DCC: variants seen among roughly 807,000 people sequenced by gnomAD.
The protein encoded by DCC is DCC netrin 1 receptor.
DCC carries 58 observed loss-of-function variants against 172.5 expected under a neutral mutation model. The ratio of observed to expected loss-of-function variants is 0.34; its 90% CI spans 0.27 to 0.42. The LOEUF (loss-of-function observed/expected upper bound fraction) is 0.42. DCC is among the 10% of genes least tolerant of loss of function. The pLI, the probability that DCC is intolerant of heterozygous loss-of-function variation, is 1.00. For synonymous variants in DCC, 709 were observed against 644.5 expected (o/e 1.10, Z -1.52); for missense variants, 1,740 against 1,791.0 (o/e 0.97, Z 0.51).
Position 53,365,149 on chromosome 18 carries a change from C to G in DCC, c.2360-20894C>G, listed in dbSNP as rs527366604. Among the ~76,000 whole-genome samples the G allele has an allele frequency of 2.7e-5, 4 of 149,306 alleles. No homozygotes were observed. In the South Asian group the frequency reaches 6.5e-4, roughly 24 times the overall value. On this transcript the variant is annotated intron_variant, in intron 15 of 28. Transcript: ENST00000442544. The stretch of plus-strand genomic sequence containing the variant: ...GTCTAAGTGTTTTCATTGTTCAATT[C>G]CCACCTATGAGTGAGAACGTGAGAT...
chr18:53,000,940 G>GT lies in DCC; in HGVS notation c.986-62358dup, dbSNP rs199612544. On this transcript the variant is annotated intron_variant, in intron 5 of 28. Transcript: ENST00000442544. ...CTTTTCTCTTACCTACATTCTGAGG[G>GT]TTTTTTTCCCATCGACTGCATCTGT... Among the ~76,000 whole-genome samples, 1,480 of 151,916 alleles carry GT rather than the reference G, an allele frequency of 9.7e-3. 30 individuals carry two copies. Among genetic ancestry groups the GT allele is most frequent in the African/African-American group, 0.034 (1,422 of 41,432 alleles).
At chr18:53,415,159 A>G (rs769552329) in intron 20 of DCC, among the ~76,000 whole-genome samples, 1 of 152,184 alleles carries the variant, frequency 6.6e-6, no homozygotes, top group African/African-American at 2.4e-5. Flanking sequence ...TCAAATGATG[A>G]TTGATTTGCT....
chr18:53,156,370 G>A (rs2054734139), intron 7 of DCC, among the ~76,000 whole-genome samples: 1 of 151,944 alleles, frequency 6.6e-6, no homozygotes, highest in African/African-American at 2.4e-5. Context: ...TGTAATCCCA[G>A]CTACTCGGGA....
intron 1 of DCC, among the ~76,000 whole-genome samples, chr18:52,705,467 C>G (rs533504677): frequency 6.6e-6 from 1 of 152,200 alleles, no homozygotes; most frequent in Non-Finnish European, 1.5e-5. Context: ...TTAGATTTCT[C>G]TGTCAGCAGA....
chr18:53,249,796 C>G (rs541617109), intron 12 of DCC, among the ~76,000 whole-genome samples: 13 of 152,072 alleles, frequency 8.5e-5, no homozygotes, highest in African/African-American at 2.9e-4. Context: ...ATAGTCAGCA[C>G]TTATTTCAAC....
At chr18:52,720,814 C>T (rs1205552289) in intron 1 of DCC, among the ~76,000 whole-genome samples, 2 of 152,154 alleles carry the variant, frequency 1.3e-5, no homozygotes, top group Non-Finnish European at 2.9e-5. Context: ...GTACTAGGTG[C>T]ACATGGGACC....
At chr18:52,979,355 G>A (rs572007567) in intron 5 of DCC, among the ~76,000 whole-genome samples, 1 of 152,266 alleles carries the variant, frequency 6.6e-6, no homozygotes, top group South Asian at 2.1e-4. Context: ...TCAGAAAGCT[G>A]TGAAGGAGCA....
intron 15 of DCC, among the ~76,000 whole-genome samples, chr18:53,368,460 T>G (rs997605805): frequency 8.6e-6 from 1 of 116,868 alleles, no homozygotes; most frequent in Admixed American, 7.8e-5. Flanking sequence ...GCAAATTGCC[T>G]ATTTTTCCTT....
chr18:52,667,984 G>T (rs1318284893), intron 1 of DCC, among the ~76,000 whole-genome samples: 4 of 151,840 alleles, frequency 2.6e-5, no homozygotes, highest in Admixed American at 2.6e-4. Flanking sequence ...TCATTGAGGG[G>T]CGTCTTTTTA....
rs1266850495 is a variant in DCC, at chr18:53,410,497, A to G, written c.2981A>G (p.Asp994Gly). The G allele has an allele frequency of 1.9e-6, 3 of 1,610,092 alleles. No individual in the cohort carries two copies. The highest frequency in any genetic ancestry group is 2.2e-5 in the East Asian group (1 of 44,870). The change falls in exon 20 of 29, where the codon GAC becomes GGC. Residue 994 changes from aspartate to glycine, a missense_variant. By Grantham distance (94) the Asp-to-Gly change is moderately conservative (BLOSUM62 -1). Around this residue, in one of 2 missense-constraint regions of DCC, gnomAD observed 1,732 missense variants for 1,767.4 expected, o/e 0.98. Coordinates refer to ENST00000442544, the MANE Select transcript of DCC (RefSeq NM_005215.4). ...TTGGACAAGAACATCCCAATTGATG[A>G]CTGGATTATGGAAACAATCAGTGGT... ...YTLDKNIPID[D>G]WIMETISGDR...
chr18:52,521,651 T>C (rs1598884677), intron 1 of DCC, among the ~76,000 whole-genome samples: 2 of 152,198 alleles, frequency 1.3e-5, no homozygotes, highest in South Asian at 4.1e-4. Flanking sequence ...TCTGTATTTG[T>C]CTTCAGTTTG....
intron 2 of DCC, among the ~76,000 whole-genome samples, chr18:52,864,016 C>T (rs117357586): frequency 0.04 from 6,105 of 152,032 alleles, 174 homozygotes; most frequent in Non-Finnish European, 0.062. Flanking sequence ...TATGAGTGGT[C>T]ATTTATAAGT....
At chr18:52,358,383 A>C (rs1984472150) in intron 1 of DCC, among the ~76,000 whole-genome samples, 2 of 152,144 alleles carry the variant, frequency 1.3e-5, no homozygotes, top group Admixed American at 1.3e-4. Flanking sequence ...CAGGCCTACA[A>C]CTTTCTAATT....
chr18:53,229,424 G>A (rs1479419428), intron 12 of DCC, among the ~76,000 whole-genome samples: 1 of 151,976 alleles, frequency 6.6e-6, no homozygotes, highest in Non-Finnish European at 1.5e-5. Context: ...TATATTAAAG[G>A]CAAATGTATC....
chr18:53,489,303 A>G (rs1371463507), intron 26 of DCC, among the ~76,000 whole-genome samples: 2 of 152,210 alleles, frequency 1.3e-5, no homozygotes, highest in African/African-American at 2.4e-5. Flanking sequence ...AGCTATGCAC[A>G]ATGCAAAGCA....
At chr18:53,088,418 G>A (rs1383847232) in intron 7 of DCC, among the ~76,000 whole-genome samples, 1 of 152,128 alleles carries the variant, frequency 6.6e-6, no homozygotes, top group Admixed American at 6.5e-5. Context: ...TATTATTGGT[G>A]TATAAGAATG....
intron 1 of DCC, among the ~76,000 whole-genome samples, chr18:52,357,789 T>A (rs1984435191): frequency 6.6e-6 from 1 of 151,786 alleles, no homozygotes; most frequent in African/African-American, 2.4e-5. Flanking sequence ...ACAAAAAAAA[T>A]TAGCTGGGCG....
chr18:53,269,358 T>A (rs1568403183), intron 12 of DCC, among the ~76,000 whole-genome samples: 1 of 152,300 alleles, frequency 6.6e-6, no homozygotes, highest in Middle Eastern at 3.4e-3. Flanking sequence ...GTTCTTAGTT[T>A]AACAACAATG....
At chr18:53,260,827 T>C (rs1215813330) in intron 12 of DCC, among the ~76,000 whole-genome samples, 1 of 152,152 alleles carries the variant, frequency 6.6e-6, no homozygotes, top group Non-Finnish European at 1.5e-5. Flanking sequence ...CAGGCAGGCC[T>C]CCTTGAACTG....
Sources: gnomAD v4.1 joint callset for allele counts (sites outside exome capture counted in the v4.1 genomes callset) on GRCh38, gnomAD v4.1.1 for gene constraint, gnomAD v4.1.1 regional missense constraint, MANE v1.5 for transcripts, NCBI Gene and HGNC (gene_info 2026-07-23, HGNC 2026-07-21) for gene names.